The following SLC6A3 variants were observed in gnomAD, a reference collection of about 807,000 sequenced individuals.
SLC6A3 encodes the protein solute carrier family 6 member 3, also known as sodium-dependent dopamine transporter.
A neutral mutation model predicts 70.4 loss-of-function variants in SLC6A3; 19 were observed. That is an observed-to-expected ratio of 0.27 (90% CI 0.19 to 0.40). The LOEUF is 0.40. Ranked by LOEUF, SLC6A3 falls within the 10% of genes least tolerant of loss-of-function variation. SLC6A3 has a pLI of 1.00. For missense variants in SLC6A3, 613 were observed against 838.5 expected (o/e 0.73, Z 3.32); for synonymous variants, 368 against 356.6 (o/e 1.03, Z -0.36).
chr5:1,408,922 T>G lies in SLC6A3; in HGVS notation c.1498+104A>C. ...AGCTGTGATGACCACAACCCAGGCT[T>G]CCTGCAGCTGAAAGGTGTTTCCTCA... is the stretch of plus-strand genomic sequence containing the variant. On this transcript the variant is annotated intron_variant, in intron 11 of 14. Transcript: ENST00000270349. The surrounding 1 kb of genome is among the most constrained non-coding windows in gnomAD (Gnocchi z 6.4). 1 of 795,848 alleles carries G rather than the reference T, an allele frequency of 1.3e-6. No homozygotes were observed. The allele number at this position is 795,848 out of a possible 1,614,324, so 49.3% of individuals were successfully genotyped here. A position where few individuals can be genotyped will look rare whatever the true frequency, so the allele number is the denominator to read the frequency against.
rs1393122026 is a variant in SLC6A3 at position 1,411,803 on chromosome 5, C to T, written c.1157-448G>A. 6.6e-6 allele frequency among the ~76,000 whole-genome samples: 1 copy of T among 151,306 alleles called. No homozygotes were observed. Among genetic ancestry groups the T allele is most frequent in the Non-Finnish European group, 1.5e-5 (1 of 67,694 alleles). On this transcript the variant is annotated intron_variant, in intron 8 of 14. Coordinates refer to ENST00000270349, the MANE Select transcript of SLC6A3 (RefSeq NM_001044.5). The surrounding 1 kb of genome is among the most constrained non-coding windows in gnomAD (Gnocchi z 6.5). Reference sequence around the variant, plus strand: ...CATGCAACATACACACTCAGACACACATACCATGCAACATACACACTCAGA... The same window carrying T: ...CATGCAACATACACACTCAGACACATATACCATGCAACATACACACTCAGA...
chr5:1,421,202 A>C lies in SLC6A3; in HGVS notation c.793-499T>G, dbSNP rs1013971291. 7.9e-6 allele frequency among the ~76,000 whole-genome samples: 1 copy of C among 127,360 alleles called. No homozygotes were observed. Among genetic ancestry groups the C allele is most frequent in the Non-Finnish European group, 1.7e-5 (1 of 60,328 alleles). The allele number at this position is 127,360 out of a possible 152,430, so 83.6% of individuals were successfully genotyped here. A position where few individuals can be genotyped will look rare whatever the true frequency, so the allele number is the denominator to read the frequency against. On this transcript the variant is annotated intron_variant, in intron 5 of 14. Coordinates refer to ENST00000270349, the MANE Select transcript of SLC6A3 (RefSeq NM_001044.5). The surrounding 1 kb of genome is among the most constrained non-coding windows in gnomAD (Gnocchi z 7.2). ...AGTTTTTTTTTTTTTTTTGAGATGGAGTTTTGCTCTTTTTGCCCAGGCTGG... is the reference window on the plus strand; with the variant it reads ...AGTTTTTTTTTTTTTTTTGAGATGGCGTTTTGCTCTTTTTGCCCAGGCTGG...
chr5:1,443,405 C>T (rs1335449911), intron 1 of SLC6A3, among the ~76,000 whole-genome samples, 163 bp from the exon 2 acceptor site: 1 of 152,210 alleles, frequency 6.6e-6, no homozygotes, highest in African/African-American at 2.4e-5. Flanking sequence ...ACAGCTGGGG[C>T]ACGGGAGCTG....
rs776949573 is a variant in SLC6A3 at position 1,405,983 on chromosome 5, C to T, written c.1599+205G>A. 1.2e-4 allele frequency among the ~76,000 whole-genome samples: 19 copies of T among 152,268 alleles called. No individual in the cohort carries two copies. Among genetic ancestry groups the T allele is most frequent in the African/African-American group, 2.9e-4 (12 of 41,548 alleles). Reference sequence around the variant, plus strand: ...GGTCCAAGACCATGTGAGGTTTTTTCGGTGGGTCTAGAGGGGAGGGTGGAA... The same window carrying T: ...GGTCCAAGACCATGTGAGGTTTTTTTGGTGGGTCTAGAGGGGAGGGTGGAA... On this transcript the variant is annotated intron_variant, in intron 12 of 14. Coordinates refer to ENST00000270349, the MANE Select transcript of SLC6A3 (RefSeq NM_001044.5). This position sits in a 1 kb window ranked among gnomAD's most constrained non-coding sequence, Gnocchi z 5.3.
chr5:1,437,669 C>T lies in SLC6A3; in HGVS notation c.418+3690G>A, dbSNP rs887045989. Among the ~76,000 whole-genome samples, 2 of 152,234 alleles carry T rather than the reference C, an allele frequency of 1.3e-5. No homozygotes were observed. Among genetic ancestry groups the T allele is most frequent in the African/African-American group, 4.8e-5 (2 of 41,462 alleles). On this transcript the variant is annotated intron_variant, in intron 3 of 14. Coordinates refer to ENST00000270349, the MANE Select transcript of SLC6A3 (RefSeq NM_001044.5). The surrounding 1 kb of genome is among the most constrained non-coding windows in gnomAD (Gnocchi z 4.8). ...GCTGGGCCTCACCATGAACTCCGCCCTCTGGCTTTCAAGGGTGGATCTTGG... is the reference window on the plus strand; with the variant it reads ...GCTGGGCCTCACCATGAACTCCGCCTTCTGGCTTTCAAGGGTGGATCTTGG...
At chr5:1,441,005 G>T (rs137916451) in intron 3 of SLC6A3, among the ~76,000 whole-genome samples, 104 of 152,354 alleles carry the variant, frequency 6.8e-4, no homozygotes, top group Admixed American at 1.6e-3. Context: ...CAATAATAAA[G>T]ATAGATAATG....
chr5:1,408,559 C>G lies in SLC6A3; in HGVS notation c.1498+467G>C, dbSNP rs1036798107. ...AACCACTGGTGGAAGTCCCAGGACA[C>G]AGCTGGGGCAGCACAATGGGCCAGG... On this transcript the variant is annotated intron_variant, in intron 11 of 14. Transcript: ENST00000270349. This position sits in a 1 kb window ranked among gnomAD's most constrained non-coding sequence, Gnocchi z 6.4. Among the ~76,000 whole-genome samples the G allele has an allele frequency of 1.3e-5, 2 of 152,200 alleles. No individual in the cohort carries two copies. Among genetic ancestry groups the G allele is most frequent in the African/African-American group, 4.8e-5 (2 of 41,452 alleles).
chr5:1,444,136 G>A (rs1240642439), intron 1 of SLC6A3, among the ~76,000 whole-genome samples: 1 of 152,196 alleles, frequency 6.6e-6, no homozygotes, highest in Non-Finnish European at 1.5e-5. Context: ...AGGGCAGGTG[G>A]CACCACCCCG....
At chr5:1,407,132 A>G (rs1004219304) in intron 11 of SLC6A3, among the ~76,000 whole-genome samples, 1 of 152,184 alleles carries the variant, frequency 6.6e-6, no homozygotes, top group African/African-American at 2.4e-5. Flanking sequence ...GGTATTATCT[A>G]ACTTCTTCTA....
At chr5:1,418,302 T>C (rs1231332670) in intron 6 of SLC6A3, among the ~76,000 whole-genome samples, 4 of 152,170 alleles carry the variant, frequency 2.6e-5, no homozygotes, top group African/African-American at 4.8e-5. Context: ...CCTCACCTCA[T>C]GCACTTTCAC....
At position 1,411,327 on chromosome 5, in the gene SLC6A3, C is replaced by G. The variant is rs372175437; in HGVS notation, c.1185G>C (p.Pro395=). Reference sequence around the variant, plus strand: ...ACAGAGGGAGCGTGGCGATGGCTTCCGGGTAGATGATGAAGATCAGCCCTG... The same window carrying G: ...ACAGAGGGAGCGTGGCGATGGCTTCGGGGTAGATGATGAAGATCAGCCCTG... ...DGPGLIFIIY[P]EAIATLPLSS... The change falls in exon 9 of 15, where the codon CCG becomes CCC. Residue 395 remains proline, a synonymous_variant. Transcript: ENST00000270349. This position sits in a 1 kb window ranked among gnomAD's most constrained non-coding sequence, Gnocchi z 6.5. 1 of 1,552,416 alleles carries G rather than the reference C, an allele frequency of 6.4e-7. No homozygotes were observed. Among genetic ancestry groups the G allele is most frequent in the Non-Finnish European group, 8.7e-7 (1 of 1,147,788 alleles).
intron 6 of SLC6A3, chr5:1,416,605 A>G (rs1019910191): frequency 2.8e-6 from 1 of 358,294 alleles, no homozygotes; most frequent in African/African-American, 2.1e-5. Context: ...CAGTGTCCTA[A>G]TAACCCTTAG....
rs1755859154 is a variant in SLC6A3, at chr5:1,401,838, TC to T, written c.1768-853del. On this transcript the variant is annotated intron_variant, in intron 13 of 14. Coordinates refer to ENST00000270349, the MANE Select transcript of SLC6A3 (RefSeq NM_001044.5). The surrounding 1 kb of genome is among the most constrained non-coding windows in gnomAD (Gnocchi z 6.1). ...CAGAGACTGCCCGGCTGCCTGCTCT[TC>T]CCCTGTGCTGGGTCCTGGCAGGTCA... 6.6e-6 allele frequency among the ~76,000 whole-genome samples: 1 copy of T among 152,190 alleles called. No homozygotes were observed. Among genetic ancestry groups the T allele is most frequent in the African/African-American group, 2.4e-5 (1 of 41,458 alleles).
rs963972086 is a variant in SLC6A3, at chr5:1,437,622, C to G, written c.418+3737G>C. Among the ~76,000 whole-genome samples, 1 of 152,242 alleles carries G rather than the reference C, an allele frequency of 6.6e-6. No homozygotes were observed. Among genetic ancestry groups the G allele is most frequent in the African/African-American group, 2.4e-5 (1 of 41,480 alleles). On this transcript the variant is annotated intron_variant, in intron 3 of 14. Coordinates refer to ENST00000270349, the MANE Select transcript of SLC6A3 (RefSeq NM_001044.5). This position sits in a 1 kb window ranked among gnomAD's most constrained non-coding sequence, Gnocchi z 4.8. ...CTCTGGTGAGACTACGGGAAATGCA[C>G]GTGAGTCATGGCTGCTGAGCAGCTG...
At position 1,394,624 on chromosome 5, in the gene SLC6A3, A is replaced by C; in HGVS notation, c.*111T>G. The C allele has an allele frequency of 2.0e-6, 2 of 1,014,998 alleles. No individual in the cohort carries two copies. The highest frequency in any genetic ancestry group is 3.2e-6 in the Non-Finnish European group (2 of 634,106). 62.9% of individuals were successfully genotyped at this position (1,014,998 alleles called of 1,614,324 possible). ...GCTTTGTTGTTTGTGTTTTCAGTAG[A>C]GGTTGAAGAGTAGAAGTTGCCCTCC... On this transcript the variant is annotated 3_prime_UTR_variant, in exon 15 of 15. Coordinates refer to ENST00000270349, the MANE Select transcript of SLC6A3 (RefSeq NM_001044.5). This position sits in a 1 kb window ranked among gnomAD's most constrained non-coding sequence, Gnocchi z 4.7.
chr5:1,407,508 C>T lies in SLC6A3; in HGVS notation c.1499-1220G>A, dbSNP rs538732290. Among the ~76,000 whole-genome samples, 312 of 152,314 alleles carry T rather than the reference C, an allele frequency of 2.0e-3. 4 individuals carry two copies. The highest frequency in any genetic ancestry group is 9.5e-3 in the South Asian group (46 of 4,822). ...ACAGGACCGCAGCGTGCTGGAAGCC[C>T]GGCGTATTCCGGCACATCTTATTAG... On this transcript the variant is annotated intron_variant, in intron 11 of 14. Transcript: ENST00000270349.
intron 7 of SLC6A3, among the ~76,000 whole-genome samples, chr5:1,415,696 G>C (rs1756273197): frequency 6.6e-6 from 1 of 152,196 alleles, no homozygotes; most frequent in South Asian, 2.1e-4. Context: ...GTGCATATGG[G>C]ATGGGGGGAC....
At position 1,413,491 on chromosome 5, in the gene SLC6A3, G is replaced by A. The variant is rs1052489079; in HGVS notation, c.1156+1200C>T. On this transcript the variant is annotated intron_variant, in intron 8 of 14. Transcript: ENST00000270349. The surrounding 1 kb of genome is among the most constrained non-coding windows in gnomAD (Gnocchi z 7.1). ...CCCCGCTTGGTGCTTGTCGCTCCCC[G>A]CCTTCACTGAGCCTCAACACCCAGG... Among the ~76,000 whole-genome samples the A allele has an allele frequency of 1.3e-5, 2 of 152,154 alleles. No individual in the cohort carries two copies. The highest frequency in any genetic ancestry group is 6.5e-5 in the Admixed American group (1 of 15,282).
rs1756858110 is a variant in SLC6A3 at position 1,437,222 on chromosome 5, G to C, written c.418+4137C>G. ...GCCAAGATCGCGCCTTTGCACTCCA[G>C]CCTGGTGACAGAGCGAGATTCCGTC... On this transcript the variant is annotated intron_variant, in intron 3 of 14. Transcript: ENST00000270349. This position sits in a 1 kb window ranked among gnomAD's most constrained non-coding sequence, Gnocchi z 4.8. 1.3e-5 allele frequency among the ~76,000 whole-genome samples: 2 copies of C among 149,512 alleles called. No homozygotes were observed. The highest frequency in any genetic ancestry group is 3.0e-5 in the Non-Finnish European group (2 of 67,586).
Sources: gnomAD v4.1 joint callset for allele counts (sites outside exome capture counted in the v4.1 genomes callset) on GRCh38, gnomAD v4.1.1 for gene constraint, Gnocchi (gnomAD v3.1) non-coding constraint, MANE v1.5 for transcripts, NCBI Gene and HGNC (gene_info 2026-07-23, HGNC 2026-07-21) for gene names.